The following RIPOR2 variants were observed in gnomAD, a reference collection of about 807,000 sequenced individuals.
RIPOR2 encodes the protein RHO family interacting cell polarization regulator 2.
A neutral mutation model predicts 114.5 loss-of-function variants in RIPOR2; 39 were observed. That is an observed-to-expected ratio of 0.34 (90% CI 0.26 to 0.44). The LOEUF (loss-of-function observed/expected upper bound fraction) is 0.44, where lower values mean the gene tolerates loss of function less well. Among genes scored for constraint, RIPOR2 ranks in the 20% least tolerant of loss-of-function variants. The pLI, the probability that RIPOR2 is intolerant of heterozygous loss-of-function variation, is 1.00. For synonymous variants in RIPOR2, 445 were observed against 484.4 expected (o/e 0.92, Z 1.07); for missense variants, 1,007 against 1,255.1 (o/e 0.80, Z 2.99).
At chr6:24,988,497 T>C (rs1774638899) in intron 1 of RIPOR2, among the ~76,000 whole-genome samples, 1 of 152,242 alleles carries the variant, frequency 6.6e-6, no homozygotes, top group African/African-American at 2.4e-5. Flanking sequence ...TCTTAATCTA[T>C]CTTTATCTTT....
chr6:24,940,650 G>T (rs538973499), upstream of RIPOR2, among the ~76,000 whole-genome samples: 7 of 151,408 alleles, frequency 4.6e-5, no homozygotes, highest in African/African-American at 1.7e-4. Context: ...AAAGGAATAC[G>T]ATTTTTTTTT....
rs1773182024 is a variant in RIPOR2 at position 24,958,993 on chromosome 6, C to A, written c.76+82858G>T. Among the ~76,000 whole-genome samples, 3 of 139,406 alleles carry A rather than the reference C, an allele frequency of 2.2e-5. No homozygotes were observed. The South Asian group carries it at 6.6e-4, about 31-fold the overall frequency. The allele number at this position is 139,406 out of a possible 152,430, so 91.5% of individuals were successfully genotyped here. The stretch of plus-strand genomic sequence containing the variant: ...TGGAGACAGGGTCTCACCCTGTCGC[C>A]CAGGCTGGAGTGGAGTGGCCAATCA... On this transcript the variant is annotated intron_variant, in intron 1 of 13. Coordinates refer to the RIPOR2 transcript ENST00000510784.
chr6:25,031,707 A>T (rs1399138593), intron 1 of RIPOR2, among the ~76,000 whole-genome samples: 3 of 9,622 alleles, frequency 3.1e-4, no homozygotes, highest in African/African-American at 9.7e-4. Flanking sequence ...AGTTATATAT[A>T]TATATATATA....
intron 9 of RIPOR2, 26 bp from the exon 10 acceptor site, chr6:24,850,748 T>G (rs532812590): frequency 1.2e-6 from 2 of 1,612,722 alleles, no homozygotes; most frequent in African/African-American, 1.3e-5. Flanking sequence ...CCAAGGGCCT[T>G]CATGTCTTGC....
At chr6:24,909,369 C>T (rs1769321579) in intron 1 of RIPOR2, among the ~76,000 whole-genome samples, 1 of 152,012 alleles carries the variant, frequency 6.6e-6, no homozygotes, top group Non-Finnish European at 1.5e-5. Context: ...GGCTGACATC[C>T]CCTGCTTGTG....
chr6:24,828,637 A>G (rs534034981), intron 17 of RIPOR2, among the ~76,000 whole-genome samples: 1 of 152,258 alleles, frequency 6.6e-6, no homozygotes, highest in Admixed American at 6.5e-5. Flanking sequence ...CCTGCATTCC[A>G]TAAGGTTTTC....
chr6:24,871,645 G>A (rs551954989), intron 4 of RIPOR2, among the ~76,000 whole-genome samples: 2 of 152,310 alleles, frequency 1.3e-5, no homozygotes, highest in South Asian at 2.1e-4. Context: ...GAGCCACCAC[G>A]CCCGGCCTTA....
rs557388516 is a variant in RIPOR2, at chr6:24,806,174, A to G, written c.*199T>C. On this transcript the variant is annotated 3_prime_UTR_variant, in exon 22 of 22. Coordinates refer to ENST00000643898, the MANE Select transcript of RIPOR2 (RefSeq NM_001286445.3). ...GCTATGTTGCCCAGGTTGGTCTTGA[A>G]CCTCCTGGGCTTAAGCAATTCTCCT... 1.1e-5 allele frequency: 6 copies of G among 564,574 alleles called. No homozygotes were observed. In the East Asian group the frequency reaches 1.9e-4, roughly 18 times the overall value. The allele number at this position is 564,574 out of a possible 1,614,324, so 35.0% of individuals were successfully genotyped here.
chr6:24,843,285 G>C lies in RIPOR2; in HGVS notation c.1434C>G (p.His478Gln). The C allele has an allele frequency of 6.2e-7, 1 of 1,613,980 alleles. No homozygotes were observed. The highest frequency in any genetic ancestry group is 8.5e-7 in the Non-Finnish European group (1 of 1,179,884). ...GCTCCTCTGGGTCTTCCTCCTTCAG[G>C]TGTGACTTTGGCTCTTGGCCTTCTC... is the stretch of plus-strand genomic sequence containing the variant. ...SLGEGQEPKS[H>Q]LKEEDPEEPR... The change falls in exon 13 of 22, where the codon CAC becomes CAG. Residue 478 changes from histidine to glutamine, a missense_variant. Transcript: ENST00000643898.
intron 1 of RIPOR2, among the ~76,000 whole-genome samples, chr6:24,905,524 G>A (rs2114037098): frequency 6.6e-6 from 1 of 152,350 alleles, no homozygotes; most frequent in South Asian, 2.1e-4. Flanking sequence ...GAATCTTCAT[G>A]TAGGATAGGT....
chr6:24,994,689 T>A (rs1168660999), intron 1 of RIPOR2, among the ~76,000 whole-genome samples: 1 of 152,072 alleles, frequency 6.6e-6, no homozygotes, highest in Non-Finnish European at 1.5e-5. Context: ...AAGTTTTGGG[T>A]TCTGAAACCT....
rs34572978 is a variant in RIPOR2, at chr6:25,005,738, T to TATATATATATATATACACAC, written c.76+36112_76+36113insGTGTGTATATATATATATAT. On this transcript the variant is annotated intron_variant, in intron 1 of 13. Coordinates refer to the RIPOR2 transcript ENST00000510784. ...ATATATATATATATATATATATATATATACATTTACCGATCAAAAGATATG... is the reference window on the plus strand; with the variant it reads ...ATATATATATATATATATATATATATATATATATATATATACACACATACATTTACCGATCAAAAGATATG... Among the ~76,000 whole-genome samples the TATATATATATATATACACAC allele has an allele frequency of 7.4e-4, 52 of 70,696 alleles. 2 individuals carry two copies. Among genetic ancestry groups the TATATATATATATATACACAC allele is most frequent in the Non-Finnish European group, 1.3e-3 (40 of 30,024 alleles). The allele number at this position is 70,696 out of a possible 152,430, so 46.4% of individuals were successfully genotyped here. A position where few individuals can be genotyped will look rare whatever the true frequency, so the allele number is the denominator to read the frequency against.
intron 1 of RIPOR2, among the ~76,000 whole-genome samples, chr6:24,955,509 C>T (rs1257822380): frequency 4.3e-5 from 2 of 46,890 alleles, no homozygotes; most frequent in Non-Finnish European, 2.4e-4. Context: ...TTTTTCATTC[C>T]TCCCCCCACT....
chr6:24,884,290 T>C (rs1043478957), intron 1 of RIPOR2, among the ~76,000 whole-genome samples: 21 of 152,036 alleles, frequency 1.4e-4, no homozygotes, highest in Non-Finnish European at 2.9e-5. Flanking sequence ...GTGCCTGTAG[T>C]CCCAGCTACT....
chr6:24,818,961 G>A (rs1759424782), intron 19 of RIPOR2, among the ~76,000 whole-genome samples: 1 of 151,876 alleles, frequency 6.6e-6, no homozygotes, highest in Non-Finnish European at 1.5e-5. Flanking sequence ...TCTCAGAGCT[G>A]TTTTTGATCC....
chr6:25,029,509 T>C (rs922081103), intron 1 of RIPOR2, among the ~76,000 whole-genome samples: 4 of 149,956 alleles, frequency 2.7e-5, no homozygotes, highest in Non-Finnish European at 4.4e-5. Context: ...GGAATGTTCA[T>C]GTATTGACTG....
intron 1 of RIPOR2, among the ~76,000 whole-genome samples, chr6:24,933,866 G>C (rs1242717772): frequency 1.3e-5 from 2 of 152,086 alleles, no homozygotes; most frequent in African/African-American, 4.8e-5. Context: ...TGGAACCTGG[G>C]GACCTCAGCC....
chr6:24,847,054 T>C (rs140826734), intron 12 of RIPOR2, among the ~76,000 whole-genome samples: 3,279 of 152,236 alleles, frequency 0.022, 124 homozygotes, highest in African/African-American at 0.072. Flanking sequence ...TGGGTTCAAG[T>C]GATCCTCTCA....
chr6:24,887,056 T>A (rs1039618412), intron 1 of RIPOR2, among the ~76,000 whole-genome samples: 2 of 152,250 alleles, frequency 1.3e-5, no homozygotes, highest in Middle Eastern at 3.2e-3. Context: ...CAATGGGTTA[T>A]AATCCACTAC....
Sources: allele counts gnomAD v4.1 joint callset (sites outside exome capture counted in the v4.1 genomes callset), GRCh38; gene constraint gnomAD v4.1.1; transcripts MANE v1.5; gene names NCBI Gene and HGNC (gene_info 2026-07-23, HGNC 2026-07-21).